IFT88: variants seen among roughly 807,000 people sequenced by gnomAD.
IFT88 encodes the protein intraflagellar transport protein 88 homolog.
Under a neutral mutation model 119.5 loss-of-function variants are expected in IFT88, and 74 were observed. The observed-to-expected ratio is 0.62, with a 90% CI of 0.51 to 0.75. IFT88 has a LOEUF of 0.75. Among genes scored for constraint, IFT88 ranks in the 30% least tolerant of loss-of-function variants. The pLI is 0.00. For synonymous variants in IFT88, 279 were observed against 316.7 expected, an observed-to-expected ratio of 0.88 and a Z score of 1.26; for missense variants, 961 against 977.7, an observed-to-expected ratio of 0.98 and a Z score of 0.23.
chr13:20,667,997 A>G lies in IFT88; in HGVS notation c.2176-2976A>G, dbSNP rs540451125. 1.1e-3 allele frequency among the ~76,000 whole-genome samples: 157 copies of G among 142,922 alleles called. 1 individual carries two copies. Among genetic ancestry groups the G allele is most frequent in the African/African-American group, 4.4e-3 (152 of 34,862 alleles). The allele number at this position is 142,922 out of a possible 152,430, so 93.8% of individuals were successfully genotyped here. A position where few individuals can be genotyped will look rare whatever the true frequency, so the allele number is the denominator to read the frequency against. On this transcript the variant is annotated intron_variant, in intron 23 of 25. Coordinates refer to ENST00000351808, the MANE Select transcript of IFT88 (RefSeq NM_006531.5). ...ATTAGTCACTTACATAGCAGTCAAT[A>G]TGATGGACACTCTTAACTTTCCGTC...
chr13:20,657,697 G>C (rs1010436541), intron 22 of IFT88, among the ~76,000 whole-genome samples: 6 of 152,118 alleles, frequency 3.9e-5, no homozygotes, highest in Non-Finnish European at 8.8e-5. Flanking sequence ...GGAGGCTGAG[G>C]TGGGCAGATC....
intron 2 of IFT88, among the ~76,000 whole-genome samples, chr13:20,576,847 G>A (rs1234358076): frequency 6.6e-6 from 1 of 151,994 alleles, no homozygotes; most frequent in Non-Finnish European, 1.5e-5. Flanking sequence ...GGCTATTCTG[G>A]GTCTTTTGTA....
intron 4 of IFT88, among the ~76,000 whole-genome samples, chr13:20,590,185 A>G (rs1006214951): frequency 6.6e-6 from 1 of 152,140 alleles, no homozygotes; most frequent in African/African-American, 2.4e-5. Flanking sequence ...GTTAGATTTT[A>G]CATAAATGTA....
intron 21 of IFT88, among the ~76,000 whole-genome samples, chr13:20,655,395 C>T (rs946954287): frequency 4.6e-5 from 7 of 150,738 alleles, no homozygotes; most frequent in South Asian, 2.1e-4. Flanking sequence ...GCCGAGATTG[C>T]GCCACTGCAC....
chr13:20,612,676 CCAAA>C (rs1258672291), intron 13 of IFT88, among the ~76,000 whole-genome samples: 1 of 151,942 alleles, frequency 6.6e-6, no homozygotes, highest in Non-Finnish European at 1.5e-5. Flanking sequence ...CCAGAATGGC[CCAAA>C]CAGTGTTGAA....
At position 20,589,846 on chromosome 13, in the gene IFT88, ACC is replaced by A; in HGVS notation, c.190_191del (p.Pro64TyrfsTer29). ...AKISSTAVTR[P>X]IATGYGSKTS... ...AAATATCAAGCACGGCAGTTACTAG[ACC>A]TATAGCTACTGGATATGGGGTAGGT... On this transcript the variant is annotated frameshift_variant, in exon 4 of 26. Transcript: ENST00000351808. LOFTEE classifies it high-confidence loss of function. The A allele has an allele frequency of 6.3e-7, 1 of 1,598,248 alleles. No individual in the cohort carries two copies. Among genetic ancestry groups the A allele is most frequent in the Non-Finnish European group, 8.6e-7 (1 of 1,169,174 alleles).
intron 13 of IFT88, 141 bp downstream of exon 13, chr13:20,605,246 C>T (rs773820096): frequency 1.2e-5 from 5 of 422,416 alleles, no homozygotes; most frequent in Non-Finnish European, 2.1e-5. Flanking sequence ...CATTCTGTTT[C>T]TTACAGAACT....
intron 4 of IFT88, among the ~76,000 whole-genome samples, chr13:20,590,113 C>T (rs1461295930): frequency 6.6e-6 from 1 of 152,090 alleles, no homozygotes; most frequent in Non-Finnish European, 1.5e-5. Context: ...TCGTTGACGT[C>T]CTTTCATTTT....
In IFT88 at chr13:20,589,933, T is replaced by A. The variant is rs538320377; in HGVS notation, c.210+66T>A. ...CATACAATAGTTCACTTTAGGCAGT[T>A]CTGAATAATTTTATTATATCTTAGG... On this transcript the variant is annotated intron_variant, in intron 4 of 25. Coordinates refer to ENST00000351808, the MANE Select transcript of IFT88 (RefSeq NM_006531.5). 32 of 910,278 alleles carry A rather than the reference T, an allele frequency of 3.5e-5. No homozygotes were observed. In the South Asian group the frequency reaches 5.3e-4, roughly 15 times the overall value. The allele number at this position is 910,278 out of a possible 1,614,324, so 56.4% of individuals were successfully genotyped here. A position where few individuals can be genotyped will look rare whatever the true frequency, so the allele number is the denominator to read the frequency against.
At chr13:20,633,528 G>A (rs2048533646) in intron 16 of IFT88, among the ~76,000 whole-genome samples, 1 of 152,180 alleles carries the variant, frequency 6.6e-6, no homozygotes, top group African/African-American at 2.4e-5. Flanking sequence ...GAAGCATGGT[G>A]TCTATCATGG....
chr13:20,645,610 A>T (rs1188478528), intron 20 of IFT88, among the ~76,000 whole-genome samples: 1 of 152,154 alleles, frequency 6.6e-6, no homozygotes, highest in Non-Finnish European at 1.5e-5. Flanking sequence ...GTCTTAATAC[A>T]AGACAGTTTT....
At chr13:20,657,193 T>C (rs1471382701) in intron 22 of IFT88, among the ~76,000 whole-genome samples, 1 of 152,232 alleles carries the variant, frequency 6.6e-6, no homozygotes, top group African/African-American at 2.4e-5. Context: ...TTTAAAACAT[T>C]ATGTTAATAT....
Position 20,589,719 on chromosome 13 carries a change from A to C in IFT88, c.154-92A>C, listed in dbSNP as rs184165734. 226 of 587,140 alleles carry C rather than the reference A, an allele frequency of 3.8e-4. 4 individuals are homozygous for C. The highest frequency in any genetic ancestry group is 2.4e-3 in the Admixed American group (87 of 35,826). 36.4% of individuals were successfully genotyped at this position (587,140 alleles called of 1,614,324 possible). A position where few individuals can be genotyped will look rare whatever the true frequency, so the allele number is the denominator to read the frequency against. ...CTAAGTATTATATAAATATTTCTTT[A>C]TTTATGAGTCTATATTTTCTATTTC... On this transcript the variant is annotated intron_variant, in intron 3 of 25. Transcript: ENST00000351808.
chr13:20,690,600 C>G, intron 24 of IFT88, 105 bp from the exon 25 acceptor site: 1 of 715,518 alleles, frequency 1.4e-6, no homozygotes, highest in Non-Finnish European at 2.4e-6. Flanking sequence ...CCAAATTAAA[C>G]AACCTGCTTG....
At chr13:20,583,407 T>G (rs1039262204) in intron 3 of IFT88, among the ~76,000 whole-genome samples, 2 of 152,230 alleles carry the variant, frequency 1.3e-5, no homozygotes, top group Non-Finnish European at 2.9e-5. Flanking sequence ...TCCTTCCTTT[T>G]TAAGTTTGAA....
chr13:20,591,960 T>C (rs1302167567), intron 6 of IFT88, among the ~76,000 whole-genome samples: 3 of 152,088 alleles, frequency 2.0e-5, no homozygotes, highest in Non-Finnish European at 4.4e-5. Flanking sequence ...ATAACAAAAA[T>C]TAATGTTTGG....
intron 2 of IFT88, among the ~76,000 whole-genome samples, chr13:20,575,012 G>A (rs755254612): frequency 2.7e-5 from 4 of 150,574 alleles, no homozygotes; most frequent in Non-Finnish European, 5.9e-5. Flanking sequence ...TTAAATTATT[G>A]ACTATAGTCA....
intron 18 of IFT88, chr13:20,642,449 C>A (rs1461144992): frequency 6.6e-6 from 1 of 152,034 alleles, no homozygotes; most frequent in Non-Finnish European, 1.5e-5. Flanking sequence ...ACTAAAAATA[C>A]AAAAATTAGC....
intron 2 of IFT88, among the ~76,000 whole-genome samples, chr13:20,579,395 C>T (rs1403351038): frequency 6.6e-6 from 1 of 152,168 alleles, no homozygotes; most frequent in African/African-American, 2.4e-5. Flanking sequence ...CCACCCTTTT[C>T]CCCAGGCAGC....
Sources: gnomAD v4.1 joint callset for allele counts (sites outside exome capture counted in the v4.1 genomes callset) on GRCh38, gnomAD v4.1.1 for gene constraint, MANE v1.5 for transcripts, NCBI Gene and HGNC (gene_info 2026-07-23, HGNC 2026-07-21) for gene names.